Variants in TIMM21 observed in about 807,000 individuals in gnomAD.
TIMM21 encodes the protein mitochondrial import inner membrane translocase subunit Tim21.
Under a neutral mutation model 27.7 loss-of-function variants are expected in TIMM21, and 30 were observed. That is an observed-to-expected ratio of 1.08 (90% CI 0.81 to 1.47). TIMM21 has a LOEUF of 1.47. Ranked by LOEUF, TIMM21 falls within the 40% of genes most tolerant of loss-of-function variation. TIMM21 has a pLI of 0.00. For missense variants in TIMM21, 292 were observed against 302.9 expected (o/e 0.96, Z 0.27); for synonymous variants, 121 against 114.4 (o/e 1.06, Z -0.37).
chr18:74,156,879 G>A (rs893351417), intron 3 of TIMM21: 1 of 152,142 alleles, frequency 6.6e-6, no homozygotes, highest in Non-Finnish European at 1.5e-5. Context: ...GCTGGGTACT[G>A]TGTCTGCTTG....
intron 3 of TIMM21, chr18:74,156,324 T>C (rs1979949152): frequency 2.5e-6 from 1 of 398,666 alleles, no homozygotes; most frequent in Admixed American, 4.4e-5. Context: ...CACAGCGTGC[T>C]CAGTATAGAG....
At chr18:74,151,995 T>C (rs1370043394) in intron 1 of TIMM21, among the ~76,000 whole-genome samples, 1 of 143,882 alleles carries the variant, frequency 7.0e-6, no homozygotes, top group East Asian at 2.0e-4. Flanking sequence ...CTCACCCTTC[T>C]CATGCCCAGT....
In TIMM21 at chr18:74,159,401, G is replaced by A. The variant is rs753989782; in HGVS notation, c.*921G>A. 4 of 151,900 alleles carry A rather than the reference G, an allele frequency of 2.6e-5. No homozygotes were observed. The highest frequency in any genetic ancestry group is 5.9e-5 in the Non-Finnish European group (4 of 67,988). The allele number at this position is 151,900 out of a possible 1,614,324, so 9.4% of individuals were successfully genotyped here. On this transcript the variant is annotated 3_prime_UTR_variant, in exon 6 of 6. Transcript: ENST00000169551. ...TCTATGTAAGTGCTATGTGCATTGGGAGGGGTCTAGAACCATGTTTATCTG... is the reference window on the plus strand; with the variant it reads ...TCTATGTAAGTGCTATGTGCATTGGAAGGGGTCTAGAACCATGTTTATCTG...
chr18:74,154,273 T>A (rs1009153632), intron 1 of TIMM21, among the ~76,000 whole-genome samples: 3 of 151,070 alleles, frequency 2.0e-5, no homozygotes, highest in Non-Finnish European at 4.4e-5. Context: ...CACTGTCTTT[T>A]TTTTTTTGGA....
Position 74,148,788 on chromosome 18 carries a change from G to A in TIMM21, c.-21G>A. The A allele has an allele frequency of 6.3e-7, 1 of 1,598,498 alleles. No individual in the cohort carries two copies. The highest frequency in any genetic ancestry group is 1.1e-5 in the South Asian group (1 of 90,620). On this transcript the variant is annotated 5_prime_UTR_variant, in exon 1 of 6. Coordinates refer to ENST00000169551, the MANE Select transcript of TIMM21 (RefSeq NM_014177.3). ...TAATTGTAGTTAGCATCGTCCCTAA[G>A]CGGAACGATTTTCCGTGAACATGAT... is the stretch of plus-strand genomic sequence containing the variant.
intron 1 of TIMM21, among the ~76,000 whole-genome samples, chr18:74,154,707 A>G (rs900842676): frequency 7.9e-5 from 12 of 152,122 alleles, no homozygotes; most frequent in African/African-American, 2.9e-4. Context: ...TTTCTGGCCA[A>G]CCATATTCCT....
intron 1 of TIMM21, among the ~76,000 whole-genome samples, chr18:74,150,000 C>G (rs1232266104): frequency 1.3e-5 from 2 of 152,190 alleles, no homozygotes; most frequent in Non-Finnish European, 2.9e-5. Context: ...GTCCAGAATT[C>G]AAACAGGCCT....
chr18:74,156,437 C>G (rs1979953034), intron 3 of TIMM21: 2 of 395,908 alleles, frequency 5.1e-6, no homozygotes, highest in Non-Finnish European at 8.9e-6. Context: ...TGGCATCTTT[C>G]CTTTTAAATC....
At position 74,148,749 on chromosome 18, in the gene TIMM21, C is replaced by T. The variant is rs1599205614; in HGVS notation, c.-60C>T. The T allele has an allele frequency of 3.2e-6, 5 of 1,542,598 alleles. No individual in the cohort carries two copies. Among genetic ancestry groups the T allele is most frequent in the South Asian group, 1.2e-5 (1 of 83,510 alleles). The stretch of plus-strand genomic sequence containing the variant: ...CGTGTCCGGCCGCATGTGTAGTGAA[C>T]CCTAAAGCTTTCCTAATTGTAGTTA... On this transcript the variant is annotated 5_prime_UTR_variant, in exon 1 of 6. Coordinates refer to ENST00000169551, the MANE Select transcript of TIMM21 (RefSeq NM_014177.3).
intron 1 of TIMM21, 41 bp from the exon 2 acceptor site, chr18:74,155,104 C>T (rs1979913979): frequency 1.2e-6 from 2 of 1,600,766 alleles, no homozygotes; most frequent in Middle Eastern, 1.7e-4. Context: ...TTGCCTGCTC[C>T]CAGCCGGCAC....
rs1241787981 is a variant in TIMM21 at position 74,152,979 on chromosome 18, G to A, written c.302-2166G>A. Among the ~76,000 whole-genome samples, 1 of 152,192 alleles carries A rather than the reference G, an allele frequency of 6.6e-6. No homozygotes were observed. Among genetic ancestry groups the A allele is most frequent in the Non-Finnish European group, 1.5e-5 (1 of 68,044 alleles). On this transcript the variant is annotated intron_variant, in intron 1 of 5. Transcript: ENST00000169551. This position sits in a 1 kb window ranked among gnomAD's most constrained non-coding sequence, Gnocchi z 4.1. The stretch of plus-strand genomic sequence containing the variant: ...TGAATATGGGCTGGTCCAGGGAAGT[G>A]CCGTGACCTAAGTGAGGAAGCTCTC...
In TIMM21 at chr18:74,155,165, T is replaced by C; in HGVS notation, c.322T>C (p.Phe108Leu). ...SQKVKEAGRD[F>L]TYLIVVLFGI... Reference sequence around the variant, plus strand: ...CACAGTGAAAGAAGCCGGAAGAGATTTTACCTATTTAATAGTGGTGCTTTT... The same window carrying C: ...CACAGTGAAAGAAGCCGGAAGAGATCTTACCTATTTAATAGTGGTGCTTTT... The change falls in exon 2 of 6, where the codon TTT becomes CTT. Residue 108 changes from phenylalanine (F) to leucine (L), a missense_variant. Transcript: ENST00000169551. 1 of 1,614,202 alleles carries C rather than the reference T, an allele frequency of 6.2e-7. No individual in the cohort carries two copies. The highest frequency in any genetic ancestry group is 8.5e-7 in the Non-Finnish European group (1 of 1,180,036).
chr18:74,155,178 T>A lies in TIMM21; in HGVS notation c.335T>A (p.Ile112Lys). Residue 112 changes from isoleucine (I) to lysine (K), a missense_variant, in exon 2 of 6, where the codon ATA becomes AAA. By Grantham distance (102) the Ile-to-Lys change is moderately radical (BLOSUM62 -3). Coordinates refer to ENST00000169551, the MANE Select transcript of TIMM21 (RefSeq NM_014177.3). ...GCCGGAAGAGATTTTACCTATTTAA[T>A]AGTGGTGCTTTTTGGAATCAGCATT... is the stretch of plus-strand genomic sequence containing the variant. ...KEAGRDFTYL[I>K]VVLFGISITG... 1 of 1,614,232 alleles carries A rather than the reference T, an allele frequency of 6.2e-7. No homozygotes were observed. Among genetic ancestry groups the A allele is most frequent in the Non-Finnish European group, 8.5e-7 (1 of 1,180,036 alleles).
At position 74,148,830 on chromosome 18, in the gene TIMM21, G is replaced by C. The variant is rs199888673; in HGVS notation, c.22G>C (p.Ala8Pro). Residue 8 changes from alanine (A) to proline (P), a missense_variant, in exon 1 of 6, where the codon GCC (alanine) becomes CCC (proline). By Grantham distance (27) the Ala-to-Pro change is conservative (BLOSUM62 -1). Transcript: ENST00000169551. ...GAACATGATTTGTACTTTTCTACGA[G>C]CCGTACAGTATACGGAGAAGCTGCA... MICTFLR[A>P]VQYTEKLHRS... is the part of the protein sequence containing the mutation. 3.7e-6 allele frequency: 6 copies of C among 1,608,546 alleles called. No individual in the cohort carries two copies. Among genetic ancestry groups the C allele is most frequent in the Non-Finnish European group, 5.1e-6 (6 of 1,175,198 alleles).
In TIMM21 at chr18:74,159,232, A is replaced by G. The variant is rs764641308; in HGVS notation, c.*752A>G. The G allele has an allele frequency of 1.3e-5, 2 of 151,538 alleles. No individual in the cohort carries two copies. The highest frequency in any genetic ancestry group is 2.9e-5 in the Non-Finnish European group (2 of 67,938). 9.4% of individuals were successfully genotyped at this position (151,538 alleles called of 1,614,324 possible). Reference sequence around the variant, plus strand: ...TGATACTTCTGACTGCCAAAAGAACATGGGAGTGAATGAGAGACATTCAAA... The same window carrying G: ...TGATACTTCTGACTGCCAAAAGAACGTGGGAGTGAATGAGAGACATTCAAA... On this transcript the variant is annotated 3_prime_UTR_variant, in exon 6 of 6. Transcript: ENST00000169551.
chr18:74,149,259 T>A, intron 1 of TIMM21, 150 bp downstream of exon 1: 1 of 849,346 alleles, frequency 1.2e-6, no homozygotes, highest in Non-Finnish European at 1.8e-6. Flanking sequence ...CTAGAACATA[T>A]AGATCTACAG....
At chr18:74,149,474 A>G (rs911161683) in intron 1 of TIMM21, among the ~76,000 whole-genome samples, 4 of 152,214 alleles carry the variant, frequency 2.6e-5, no homozygotes, top group Admixed American at 6.5e-5. Context: ...CTGCAGTAAT[A>G]GAAAAACATA....
Position 74,148,744 on chromosome 18 carries a change from G to T in TIMM21, c.-65G>T. 2 of 1,520,622 alleles carry T rather than the reference G, an allele frequency of 1.3e-6. No individual in the cohort carries two copies. The highest frequency in any genetic ancestry group is 1.8e-6 in the Non-Finnish European group (2 of 1,116,486). 94.2% of individuals were successfully genotyped at this position (1,520,622 alleles called of 1,614,324 possible). ...GAGTACGTGTCCGGCCGCATGTGTA[G>T]TGAACCCTAAAGCTTTCCTAATTGT... On this transcript the variant is annotated 5_prime_UTR_variant, in exon 1 of 6. Transcript: ENST00000169551.
chr18:74,155,027 A>G (rs911025203), intron 1 of TIMM21, 118 bp from the exon 2 acceptor site: 2 of 928,378 alleles, frequency 2.2e-6, no homozygotes, highest in Admixed American at 3.9e-5. Context: ...CTGAACACAC[A>G]CAGACCCCTT....
Sources: gnomAD v4.1 joint callset for allele counts (sites outside exome capture counted in the v4.1 genomes callset) on GRCh38, gnomAD v4.1.1 for gene constraint, Gnocchi (gnomAD v3.1) non-coding constraint, MANE v1.5 for transcripts, NCBI Gene and HGNC (gene_info 2026-07-23, HGNC 2026-07-21) for gene names.